ADAM15: variants seen among roughly 807,000 people sequenced by gnomAD.
The protein encoded by ADAM15 is disintegrin and metalloproteinase domain-containing protein 15.
ADAM15 carries 77 observed loss-of-function variants against 113.8 expected under a neutral mutation model. The ratio of observed to expected loss-of-function variants is 0.68; its 90% CI spans 0.56 to 0.82. The LOEUF (loss-of-function observed/expected upper bound fraction) is 0.82. Ranked by LOEUF, ADAM15 falls within the 40% of genes least tolerant of loss-of-function variation. ADAM15 has a pLI of 0.00. For missense variants in ADAM15, 963 were observed against 1,120.1 expected (o/e 0.86, Z 2.00); for synonymous variants, 388 against 454.1 (o/e 0.85, Z 1.85).
At chr1:155,061,711 G>A in intron 20 of ADAM15, 193 bp from the exon 21 acceptor site, 1 of 783,080 alleles carries the variant, frequency 1.3e-6, no homozygotes, top group South Asian at 1.8e-5. Context: ...AGTCGGCCAG[G>A]GACTGCGGTT....
Position 155,053,839 on chromosome 1 carries a change from C to CA in ADAM15, c.264-69dup, listed in dbSNP as rs1661413100. Reference sequence around the variant, plus strand: ...TGGTCCCCAGCCCCACAACCACCTTCAAGCCTCTGCTTGTCAATGCACGAC... The same window carrying CA: ...TGGTCCCCAGCCCCACAACCACCTTCAAAGCCTCTGCTTGTCAATGCACGAC... On this transcript the variant is annotated intron_variant, in intron 3 of 22. Transcript: ENST00000356955. 1.5e-5 allele frequency: 23 copies of CA among 1,559,828 alleles called. No individual in the cohort carries two copies. The South Asian group carries it at 2.5e-4, about 17-fold the overall frequency.
Position 155,062,197 on chromosome 1 carries a change from A to G in ADAM15, c.2425-48A>G. The G allele has an allele frequency of 6.9e-7, 1 of 1,445,498 alleles. No homozygotes were observed. Among genetic ancestry groups the G allele is most frequent in the Non-Finnish European group, 9.1e-7 (1 of 1,096,210 alleles). 89.5% of individuals were successfully genotyped at this position (1,445,498 alleles called of 1,614,324 possible). On this transcript the variant is annotated intron_variant, in intron 21 of 22. Coordinates refer to ENST00000356955, the MANE Select transcript of ADAM15 (RefSeq NM_207197.3). The surrounding 1 kb of genome is among the most constrained non-coding windows in gnomAD (Gnocchi z 7.0). The stretch of plus-strand genomic sequence containing the variant: ...AGCACCAGTGCGTTGGGGGTGGGCA[A>G]CATGACACCCCCCCACCTAAGCCGG...
chr1:155,060,628 C>T (rs1662439902), intron 18 of ADAM15, 135 bp from the exon 19 acceptor site: 5 of 1,034,982 alleles, frequency 4.8e-6, no homozygotes, highest in Non-Finnish European at 7.3e-6. Flanking sequence ...CTGCCCCCCA[C>T]CCCGGCCCTA....
In ADAM15 at chr1:155,057,463, C is replaced by T. The variant is rs570507313; in HGVS notation, c.1323+101C>T. On this transcript the variant is annotated intron_variant, in intron 12 of 22. Coordinates refer to ENST00000356955, the MANE Select transcript of ADAM15 (RefSeq NM_207197.3). The surrounding 1 kb of genome is among the most constrained non-coding windows in gnomAD (Gnocchi z 5.0). ...CCTGAGCTCTTGGGTTCTGAAGGGA[C>T]TTTCCACCCCTCTCCTACTTGCCCT... 2.0e-6 allele frequency: 3 copies of T among 1,529,550 alleles called. No homozygotes were observed. Among genetic ancestry groups the T allele is most frequent in the East Asian group, 4.5e-5 (2 of 43,984 alleles). 94.7% of individuals were successfully genotyped at this position (1,529,550 alleles called of 1,614,324 possible).
chr1:155,060,923 A>C, intron 19 of ADAM15, 91 bp downstream of exon 19: 1 of 1,269,386 alleles, frequency 7.9e-7, no homozygotes, highest in Non-Finnish European at 1.1e-6. Flanking sequence ...CTCCAGACTC[A>C]GAGAAAGGCT....
Position 155,057,235 on chromosome 1 carries a change from A to G in ADAM15, c.1196A>G (p.Glu399Gly), listed in dbSNP as rs750072459. The change falls in exon 12 of 23, where the codon GAG becomes GGG. Residue 399 changes from glutamate to glycine, a missense_variant. Glu to Gly is a moderately conservative substitution (Grantham distance 98, BLOSUM62 -2). Transcript: ENST00000356955. This position sits in a 1 kb window ranked among gnomAD's most constrained non-coding sequence, Gnocchi z 5.0. ...NFSNCSRRALEKALLDGMGSC... is the reference protein window; with the variant it reads ...NFSNCSRRALGKALLDGMGSC... Reference sequence around the variant, plus strand: ...AGCAACTGCAGCCGACGGGCCCTGGAGAAAGCCCTCCTGGATGGAATGGGC... The same window carrying G: ...AGCAACTGCAGCCGACGGGCCCTGGGGAAAGCCCTCCTGGATGGAATGGGC... 1.9e-6 allele frequency: 3 copies of G among 1,614,080 alleles called. No homozygotes were observed. The highest frequency in any genetic ancestry group is 2.2e-5 in the East Asian group (1 of 44,878).
At chr1:155,054,710 C>G (rs1661530699) in intron 6 of ADAM15, among the ~76,000 whole-genome samples, 1 of 151,984 alleles carries the variant, frequency 6.6e-6, no homozygotes, top group Admixed American at 6.6e-5. Context: ...AATGACGAAA[C>G]CTTACAAAAA....
Position 155,058,409 on chromosome 1 carries a change from A to C in ADAM15, c.1885A>C (p.Thr629Pro), listed in dbSNP as rs758332934. 35 of 1,613,008 alleles carry C rather than the reference A, an allele frequency of 2.2e-5. No individual in the cohort carries two copies. The highest frequency in any genetic ancestry group is 3.0e-5 in the Non-Finnish European group (35 of 1,179,994). The change falls in exon 15 of 23, where the codon ACT (threonine) becomes CCT (proline). Residue 629 changes from threonine to proline, a missense_variant. Thr to Pro is a conservative substitution (Grantham distance 38). Coordinates refer to ENST00000356955, the MANE Select transcript of ADAM15 (RefSeq NM_207197.3). The surrounding 1 kb of genome is among the most constrained non-coding windows in gnomAD (Gnocchi z 4.3). The stretch of plus-strand genomic sequence containing the variant: ...CAGTGATGTGGCCCAGCCCCTCCTG[A>C]CTCTGCCTGGCACAGCCTGTGGCCC... Reference protein sequence around the residue: ...LGSDVAQPLLTLPGTACGPGL... With the variant: ...LGSDVAQPLLPLPGTACGPGL...
chr1:155,061,356 CTCTG>C, intron 19 of ADAM15, 55 bp from the exon 20 acceptor site: 1 of 1,494,208 alleles, frequency 6.7e-7, no homozygotes, highest in Non-Finnish European at 9.2e-7. Context: ...TCCCTGCCCA[CTCTG>C]TCTCTCTGCT....
At position 155,056,543 on chromosome 1, in the gene ADAM15, A is replaced by G; in HGVS notation, c.999+73A>G. The G allele has an allele frequency of 6.8e-7, 1 of 1,470,418 alleles. No individual in the cohort carries two copies. The highest frequency in any genetic ancestry group is 1.2e-5 in the South Asian group (1 of 84,936). 91.1% of individuals were successfully genotyped at this position (1,470,418 alleles called of 1,614,324 possible). A position where few individuals can be genotyped will look rare whatever the true frequency, so the allele number is the denominator to read the frequency against. Reference sequence around the variant, plus strand: ...AAGTGTGGTGGCATTTATGCACTGAAACCCCCCTATAAAGTTGCCCAACCC... The same window carrying G: ...AAGTGTGGTGGCATTTATGCACTGAGACCCCCCTATAAAGTTGCCCAACCC... On this transcript the variant is annotated intron_variant, in intron 10 of 22. Transcript: ENST00000356955. This position sits in a 1 kb window ranked among gnomAD's most constrained non-coding sequence, Gnocchi z 4.0.
At chr1:155,054,581 C>A in intron 6 of ADAM15, 75 bp downstream of exon 6, 1 of 1,429,788 alleles carries the variant, frequency 7.0e-7, no homozygotes, top group Non-Finnish European at 9.3e-7. Context: ...GCTATGTGTG[C>A]ACAGTAACAA....
rs1223505432 is a variant in ADAM15 at position 155,057,946 on chromosome 1, C to T, written c.1512C>T (p.Val504=). 1 of 1,612,536 alleles carries T rather than the reference C, an allele frequency of 6.2e-7. No individual in the cohort carries two copies. The highest frequency in any genetic ancestry group is 1.3e-5 in the African/African-American group (1 of 74,940). Residue 504 remains valine (V), a synonymous_variant, in exon 14 of 23, where the codon GTC becomes GTT. Coordinates refer to ENST00000356955, the MANE Select transcript of ADAM15 (RefSeq NM_207197.3). This position sits in a 1 kb window ranked among gnomAD's most constrained non-coding sequence, Gnocchi z 5.0. The part of the protein sequence containing the change: ...PGDSSQCPPD[V]SLGDGEPCAG... ...ACAGCTCCCAGTGTCCCCCTGATGTCAGCCTAGGGGATGGCGAGCCCTGCG... is the reference window on the plus strand; with the variant it reads ...ACAGCTCCCAGTGTCCCCCTGATGTTAGCCTAGGGGATGGCGAGCCCTGCG...
chr1:155,056,209 T>C lies in ADAM15; in HGVS notation c.874T>C (p.Leu292=). 1.2e-6 allele frequency: 2 copies of C among 1,614,018 alleles called. No individual in the cohort carries two copies. Among genetic ancestry groups the C allele is most frequent in the Non-Finnish European group, 1.7e-6 (2 of 1,180,014 alleles). The change falls in exon 9 of 23, where the codon TTG becomes CTG. Residue 292 remains leucine, a synonymous_variant. Coordinates refer to ENST00000356955, the MANE Select transcript of ADAM15 (RefSeq NM_207197.3). The surrounding 1 kb of genome is among the most constrained non-coding windows in gnomAD (Gnocchi z 4.0). The stretch of plus-strand genomic sequence containing the variant: ...CTTCCTCCACTGGCGCAGGGCACAT[T>C]TGCTGCCTCGATTGCCCCATGACAG... ...ENFLHWRRAH[L]LPRLPHDSAQ...
rs977103777 is a variant in ADAM15, at chr1:155,056,286, G to A, written c.914+37G>A. On this transcript the variant is annotated intron_variant, in intron 9 of 22. Coordinates refer to ENST00000356955, the MANE Select transcript of ADAM15 (RefSeq NM_207197.3). The surrounding 1 kb of genome is among the most constrained non-coding windows in gnomAD (Gnocchi z 4.0). ...AGACTCAGCCAGAGAGGCCAGTCCT[G>A]TCCTGGCCAAATTCACACCCCTTCA... 5 of 1,612,772 alleles carry A rather than the reference G, an allele frequency of 3.1e-6. No homozygotes were observed. The highest frequency in any genetic ancestry group is 2.2e-5 in the East Asian group (1 of 44,878).
At position 155,059,946 on chromosome 1, in the gene ADAM15, A is replaced by C; in HGVS notation, c.2040A>C (p.Ala680=). The C allele has an allele frequency of 6.2e-7, 1 of 1,613,760 alleles. No individual in the cohort carries two copies. Among genetic ancestry groups the C allele is most frequent in the Non-Finnish European group, 8.5e-7 (1 of 1,179,902 alleles). ...ACTGCTACTGTGAGGAGGGCTGGGC[A>C]CCCCCTGACTGCACCACTCAGCTCA... The part of the protein sequence containing the change: ...NRHCYCEEGW[A]PPDCTTQLKA... The change falls in exon 17 of 23, where the codon GCA becomes GCC. Residue 680 remains alanine, a synonymous_variant. Transcript: ENST00000356955.
chr1:155,056,923 T>C lies in ADAM15; in HGVS notation c.1000-30T>C. On this transcript the variant is annotated intron_variant, in intron 10 of 22. Transcript: ENST00000356955. The surrounding 1 kb of genome is among the most constrained non-coding windows in gnomAD (Gnocchi z 4.0). ...CATTGTGGTGGAGGCAGGCTGGGAC[T>C]GGACCTACAGTACCCCTCCCCAATG... 1 of 1,530,702 alleles carries C rather than the reference T, an allele frequency of 6.5e-7. No individual in the cohort carries two copies. Among genetic ancestry groups the C allele is most frequent in the South Asian group, 1.3e-5 (1 of 77,846 alleles). 94.8% of individuals were successfully genotyped at this position (1,530,702 alleles called of 1,614,324 possible). A position where few individuals can be genotyped will look rare whatever the true frequency, so the allele number is the denominator to read the frequency against.
chr1:155,054,551 C>T lies in ADAM15; in HGVS notation c.612+45C>T, dbSNP rs1416389362. 3.3e-6 allele frequency: 5 copies of T among 1,515,582 alleles called. No individual in the cohort carries two copies. In the East Asian group the frequency reaches 9.2e-5, roughly 28 times the overall value. The allele number at this position is 1,515,582 out of a possible 1,614,324, so 93.9% of individuals were successfully genotyped here. A position where few individuals can be genotyped will look rare whatever the true frequency, so the allele number is the denominator to read the frequency against. ...GGGTGGGCTTTGGTTGTCTTGAGGGCTGATCCCCAGACACTTAGAGCTATG... is the reference window on the plus strand; with the variant it reads ...GGGTGGGCTTTGGTTGTCTTGAGGGTTGATCCCCAGACACTTAGAGCTATG... On this transcript the variant is annotated intron_variant, in intron 6 of 22. Transcript: ENST00000356955.
intron 20 of ADAM15, 143 bp from the exon 21 acceptor site, chr1:155,061,761 C>A: frequency 9.9e-7 from 1 of 1,007,220 alleles, no homozygotes; most frequent in Non-Finnish European, 1.5e-6. Flanking sequence ...GCTGGCATGC[C>A]TCCAAGCCCT....
In ADAM15 at chr1:155,054,522, A is replaced by G. The variant is rs189434769; in HGVS notation, c.612+16A>G. On this transcript the variant is annotated intron_variant, in intron 6 of 22. Coordinates refer to ENST00000356955, the MANE Select transcript of ADAM15 (RefSeq NM_207197.3). The stretch of plus-strand genomic sequence containing the variant: ...CATTCGCCGGGTGAGGATGAATGGC[A>G]GGGGGGTGGGCTTTGGTTGTCTTGA... 3.7e-4 allele frequency: 570 copies of G among 1,550,220 alleles called. 3 individuals are homozygous for G. The African/African-American group carries it at 7.3e-3, about 20-fold the overall frequency.
Sources: gnomAD v4.1 joint callset for allele counts (sites outside exome capture counted in the v4.1 genomes callset) on GRCh38, gnomAD v4.1.1 for gene constraint, Gnocchi (gnomAD v3.1) non-coding constraint, MANE v1.5 for transcripts, NCBI Gene and HGNC (gene_info 2026-07-23, HGNC 2026-07-21) for gene names.